The following MROH1 variants were observed in gnomAD, a reference collection of about 807,000 sequenced individuals.
MROH1 encodes maestro heat like repeat family member 1, also known as maestro heat-like repeat-containing protein family member 1.
A neutral mutation model predicts 116.5 loss-of-function variants in MROH1; 117 were observed. The ratio of observed to expected loss-of-function variants is 1.00; its 90% CI spans 0.86 to 1.17. The LOEUF is 1.17. Ranked by LOEUF, MROH1 falls within the 50% of genes most tolerant of loss-of-function variation. MROH1 has a pLI of 0.00. For missense variants in MROH1, 1,873 were observed against 1,338.5 expected, an observed-to-expected ratio of 1.40 and a Z score of -6.23; for synonymous variants, 921 against 583.9, an observed-to-expected ratio of 1.58 and a Z score of -8.32.
Position 144,199,135 on chromosome 8 carries a change from T to C in MROH1, c.962T>C (p.Val321Ala). The change falls in exon 11 of 44, where the codon GTG becomes GCG. Residue 321 changes from valine (V) to alanine (A), a missense_variant. Val to Ala is a moderately conservative substitution (Grantham distance 64). Coordinates refer to ENST00000326134, the MANE Select transcript of MROH1 (RefSeq NM_032450.3). ...TTCCTGGAGCAGATCTGTGTGCCTG[T>C]GGAGTCCTCAAGCCCCCTGGTGATG... ...AALHSQICVP[V>A]ESSSPLVMSN... 1 of 1,613,776 alleles carries C rather than the reference T, an allele frequency of 6.2e-7. No homozygotes were observed. The highest frequency in any genetic ancestry group is 8.5e-7 in the Non-Finnish European group (1 of 1,179,808).
chr8:144,210,939 A>C lies in MROH1; in HGVS notation c.1142-9661A>C, dbSNP rs1378784207. 2.0e-5 allele frequency among the ~76,000 whole-genome samples: 3 copies of C among 151,940 alleles called. No homozygotes were observed. In the South Asian group the frequency reaches 6.2e-4, roughly 32 times the overall value. ...ACTGTCACCACCATCTGCCTCCACAACTCTTTTCATCTTGCAAAACTGAAA... is the reference window on the plus strand; with the variant it reads ...ACTGTCACCACCATCTGCCTCCACACCTCTTTTCATCTTGCAAAACTGAAA... On this transcript the variant is annotated intron_variant, in intron 12 of 43. Transcript: ENST00000326134.
intron 3 of MROH1, among the ~76,000 whole-genome samples, chr8:144,165,551 G>C (rs921728642): frequency 6.6e-6 from 1 of 152,106 alleles, no homozygotes; most frequent in Non-Finnish European, 1.5e-5. Flanking sequence ...ACTATAGCGT[G>C]AGCCACTATG....
intron 12 of MROH1, among the ~76,000 whole-genome samples, chr8:144,218,850 G>T (rs1347199885): frequency 3.3e-5 from 1 of 30,556 alleles, no homozygotes; most frequent in Non-Finnish European, 5.8e-5. Context: ...CCCCTCCCCT[G>T]TTTTGACAGG....
At chr8:144,232,511 T>TTTA (rs1839107552) in intron 14 of MROH1, among the ~76,000 whole-genome samples, 1 of 151,758 alleles carries the variant, frequency 6.6e-6, no homozygotes, top group Non-Finnish European at 1.5e-5. Flanking sequence ...TATTTATTTT[T>TTTA]GAGACAGAGT....
chr8:144,151,614 A>G (rs1816811988), intron 1 of MROH1, among the ~76,000 whole-genome samples: 2 of 152,222 alleles, frequency 1.3e-5, no homozygotes, highest in Admixed American at 1.3e-4. Context: ...ACCAAAGGGC[A>G]AGAACCCGGG....
At chr8:144,166,032 T>A (rs1258285938) in intron 3 of MROH1, among the ~76,000 whole-genome samples, 1 of 152,054 alleles carries the variant, frequency 6.6e-6, no homozygotes, top group Non-Finnish European at 1.5e-5. Flanking sequence ...GTACCTGCCA[T>A]CACACCTGGC....
chr8:144,256,182 TAC>T (rs1843729191), intron 35 of MROH1, among the ~76,000 whole-genome samples: 1 of 152,090 alleles, frequency 6.6e-6, no homozygotes, highest in Non-Finnish European at 1.5e-5. Context: ...TTCCAGGTCC[TAC>T]ACACCTGCCT....
At chr8:144,231,381 G>T (rs1180182180) in intron 14 of MROH1, among the ~76,000 whole-genome samples, 4 of 152,160 alleles carry the variant, frequency 2.6e-5, no homozygotes, top group Non-Finnish European at 5.9e-5. Context: ...CCCAGTAGGG[G>T]CGGCCGGGCA....
At chr8:144,234,597 G>A (rs188051627) in intron 14 of MROH1, among the ~76,000 whole-genome samples, 1,348 of 124,734 alleles carry the variant, frequency 0.011, 18 homozygotes, top group African/African-American at 0.038. Flanking sequence ...GCTCACTGCA[G>A]TCTCCACTTC....
chr8:144,243,389 G>A, intron 24 of MROH1, 105 bp from the exon 25 acceptor site: 1 of 723,864 alleles, frequency 1.4e-6, no homozygotes, highest in Non-Finnish European at 2.5e-6. Flanking sequence ...TCCTTTGAGA[G>A]CAGAGTGCAG....
chr8:144,260,655 G>A (rs948805778), intron 39 of MROH1, 22 bp from the exon 40 acceptor site: 44 of 776,890 alleles, frequency 5.7e-5, no homozygotes, highest in Admixed American at 1.0e-4. Flanking sequence ...GTGAGGAGAC[G>A]TATGCTGCAT....
chr8:144,223,295 G>A (rs1015704880), intron 14 of MROH1, 65 bp downstream of exon 14: 14 of 1,530,192 alleles, frequency 9.1e-6, no homozygotes, highest in Non-Finnish European at 1.2e-5. Flanking sequence ...TTAGGCACTG[G>A]CATCAGGAGC....
At chr8:144,168,964 G>C (rs1245055517) in intron 4 of MROH1, among the ~76,000 whole-genome samples, 1 of 152,238 alleles carries the variant, frequency 6.6e-6, no homozygotes, top group Non-Finnish European at 1.5e-5. Flanking sequence ...AGCTACAAGA[G>C]CCTCTTGGGA....
intron 14 of MROH1, among the ~76,000 whole-genome samples, chr8:144,231,770 C>A (rs139575289): frequency 1.3e-5 from 2 of 152,174 alleles, no homozygotes; most frequent in African/African-American, 4.8e-5. Flanking sequence ...AAAAGGCGCC[C>A]GTAGACTCAC....
chr8:144,223,918 C>T (rs894946733), intron 14 of MROH1, among the ~76,000 whole-genome samples: 3 of 152,194 alleles, frequency 2.0e-5, no homozygotes, highest in Non-Finnish European at 2.9e-5. Context: ...AAGTGGGATA[C>T]GTGAATTTAA....
chr8:144,209,170 T>C (rs1833546445), intron 12 of MROH1, among the ~76,000 whole-genome samples: 1 of 152,116 alleles, frequency 6.6e-6, no homozygotes. Context: ...GTGCTGGGAT[T>C]ATAGGCCAAT....
intron 14 of MROH1, among the ~76,000 whole-genome samples, chr8:144,235,849 A>C (rs1839952403): frequency 6.6e-6 from 1 of 152,356 alleles, no homozygotes; most frequent in African/African-American, 2.4e-5. Flanking sequence ...ATACATGCAC[A>C]ATTTTTTTCC....
At chr8:144,223,077 CT>C in intron 13 of MROH1, 30 bp from the exon 14 acceptor site, 2 of 1,612,726 alleles carry the variant, frequency 1.2e-6, no homozygotes, top group Non-Finnish European at 1.7e-6. Flanking sequence ...TCTGCGTCCC[CT>C]TCCTGATCTC....
intron 1 of MROH1, among the ~76,000 whole-genome samples, chr8:144,160,155 G>C (rs1301396297): frequency 6.6e-6 from 1 of 152,206 alleles, no homozygotes; most frequent in Non-Finnish European, 1.5e-5. Flanking sequence ...GTATTCATGA[G>C]CTTTGTGCTG....
Sources: gnomAD v4.1 joint callset for allele counts (sites outside exome capture counted in the v4.1 genomes callset) on GRCh38, gnomAD v4.1.1 for gene constraint, MANE v1.5 for transcripts, NCBI Gene and HGNC (gene_info 2026-07-23, HGNC 2026-07-21) for gene names.